The following CENPP variants were observed in gnomAD, a reference collection of about 807,000 sequenced individuals.
CENPP encodes centromere protein P.
In CENPP, 24 loss-of-function variants were observed where a neutral mutation model predicts 35.6. That is an observed-to-expected ratio of 0.67 (90% CI 0.49 to 0.95). The LOEUF is 0.95. Among genes scored for constraint, CENPP ranks in the 40% least tolerant of loss-of-function variants. The pLI is 0.00. For synonymous variants in CENPP, 120 were observed against 125.5 expected (o/e 0.96, Z 0.29); for missense variants, 332 against 345.3 (o/e 0.96, Z 0.31).
Position 92,560,692 on chromosome 9 carries a change from T to C in CENPP, c.565-50622T>C, listed in dbSNP as rs1355562610. 4.6e-5 allele frequency among the ~76,000 whole-genome samples: 7 copies of C among 152,152 alleles called. No homozygotes were observed. The East Asian group carries it at 1.3e-3, about 29-fold the overall frequency. ...GCTTTTATTCCTTCATCCCATTCTC[T>C]ACTCCATTTCTTTAAAAAGTAATCT... On this transcript the variant is annotated intron_variant, in intron 5 of 7. Coordinates refer to ENST00000375587, the MANE Select transcript of CENPP (RefSeq NM_001012267.3).
At chr9:92,612,171 G>C (rs1422508048) in intron 6 of CENPP, among the ~76,000 whole-genome samples, 1 of 152,242 alleles carries the variant, frequency 6.6e-6, no homozygotes, top group African/African-American at 2.4e-5. Context: ...TGAAATTCCT[G>C]TGTCATGCAT....
chr9:92,531,813 G>A (rs1848771338), intron 5 of CENPP, among the ~76,000 whole-genome samples: 2 of 151,808 alleles, frequency 1.3e-5, no homozygotes, highest in Admixed American at 6.6e-5. Context: ...TTCCTTTTGT[G>A]CAGATGTGTT....
At chr9:92,358,952 CTT>C (rs547707825) in intron 4 of CENPP, among the ~76,000 whole-genome samples, 3 of 122,368 alleles carry the variant, frequency 2.5e-5, no homozygotes, top group Non-Finnish European at 1.7e-5. Flanking sequence ...TTCTTTCTTT[CTT>C]TTTTTTTTTT....
chr9:92,600,135 T>C, intron 5 of CENPP: 1 of 473,942 alleles, frequency 2.1e-6, no homozygotes, highest in Admixed American at 3.7e-5. Context: ...CACTGAAGTC[T>C]GAAGTTTGCA....
chr9:92,444,185 C>A (rs576821307), intron 5 of CENPP, among the ~76,000 whole-genome samples: 4 of 152,156 alleles, frequency 2.6e-5, no homozygotes, highest in Admixed American at 2.6e-4. Context: ...AAATTATAAT[C>A]ATAGCATATA....
At chr9:92,449,437 C>CAAAAAAAAAAAAAAAA (rs56218626) in intron 5 of CENPP, among the ~76,000 whole-genome samples, 5 of 54,954 alleles carry the variant, frequency 9.1e-5, no homozygotes, top group Non-Finnish European at 1.7e-4. Flanking sequence ...ACTCTATCTC[C>CAAAAAAAAAAAAAAAA]AAAAAAAAAA....
At position 92,532,027 on chromosome 9, in the gene CENPP, TTATTTTA is replaced by T. The variant is rs1325614665; in HGVS notation, c.565-79285_565-79279del. Reference sequence around the variant, plus strand: ...TTTTTTATTTAATGTTTTTTTTTTTTTATTTTATTTTTTTTTTGAGATGAGGTCTCAC... The same window carrying T: ...TTTTTTATTTAATGTTTTTTTTTTTTTTTTTTTTTTGAGATGAGGTCTCAC... On this transcript the variant is annotated intron_variant, in intron 5 of 7. Coordinates refer to ENST00000375587, the MANE Select transcript of CENPP (RefSeq NM_001012267.3). 6.2e-4 allele frequency among the ~76,000 whole-genome samples: 80 copies of T among 128,836 alleles called. 20 individuals are homozygous for T. The highest frequency in any genetic ancestry group is 1.7e-3 in the African/African-American group (48 of 28,700). 84.5% of individuals were successfully genotyped at this position (128,836 alleles called of 152,430 possible). A position where few individuals can be genotyped will look rare whatever the true frequency, so the allele number is the denominator to read the frequency against.
rs372483137 is a variant in CENPP at position 92,614,525 on chromosome 9, T to G, written c.*1376T>G. The G allele has an allele frequency of 5.9e-5, 9 of 152,632 alleles. No homozygotes were observed. The highest frequency in any genetic ancestry group is 1.9e-4 in the African/African-American group (8 of 41,454). The allele number at this position is 152,632 out of a possible 1,614,324, so 9.5% of individuals were successfully genotyped here. A position where few individuals can be genotyped will look rare whatever the true frequency, so the allele number is the denominator to read the frequency against. The stretch of plus-strand genomic sequence containing the variant: ...CTGAGAGTAGAATTAGAAGTAAATA[T>G]GACAGAATTGAACAATAAATTCTAG... On this transcript the variant is annotated 3_prime_UTR_variant, in exon 8 of 8. Transcript: ENST00000375587.
chr9:92,611,137 C>T (rs991483249), intron 5 of CENPP, 177 bp from the exon 6 acceptor site: 2 of 634,328 alleles, frequency 3.2e-6, no homozygotes, highest in Non-Finnish European at 5.7e-6. Flanking sequence ...GAGAGACCTA[C>T]AGTGGGGCGG....
intron 4 of CENPP, among the ~76,000 whole-genome samples, chr9:92,364,636 T>C (rs552535526): frequency 6.6e-6 from 1 of 152,374 alleles, no homozygotes; most frequent in South Asian, 2.1e-4. Context: ...GAGTGAATTT[T>C]ACTGTATGTA....
intron 5 of CENPP, among the ~76,000 whole-genome samples, chr9:92,568,097 T>TCTAGGATACATGTGCA (rs1481510147): frequency 1.2e-5 from 1 of 83,050 alleles, no homozygotes; most frequent in Non-Finnish European, 2.3e-5. Context: ...TACTTTAAGT[T>TCTAGGATACATGTGCA]CTAGGATACA....
At chr9:92,484,426 C>CAT (rs1846006702) in intron 5 of CENPP, among the ~76,000 whole-genome samples, 1 of 152,130 alleles carries the variant, frequency 6.6e-6, no homozygotes, top group Non-Finnish European at 1.5e-5. Flanking sequence ...CCATTCGTGT[C>CAT]ATTGTGATAC....
intron 5 of CENPP, chr9:92,466,517 T>G: frequency 6.2e-7 from 1 of 1,614,102 alleles, no homozygotes; most frequent in South Asian, 1.1e-5. Flanking sequence ...TTCTTTGTGG[T>G]TAGAAAGGCT....
chr9:92,411,533 G>A (rs1378995716), intron 5 of CENPP, among the ~76,000 whole-genome samples: 2 of 152,014 alleles, frequency 1.3e-5, no homozygotes, highest in Non-Finnish European at 2.9e-5. Context: ...GGGCTCAAAG[G>A]ATCAGCCCAC....
At chr9:92,373,603 G>T (rs554180601) in intron 4 of CENPP, among the ~76,000 whole-genome samples, 101 of 152,182 alleles carry the variant, frequency 6.6e-4, no homozygotes, top group Non-Finnish European at 1.2e-3. Context: ...CGAGGTGGGC[G>T]GATCATGAGG....
chr9:92,536,608 G>A (rs953479627), intron 5 of CENPP: 4 of 152,366 alleles, frequency 2.6e-5, no homozygotes, highest in Admixed American at 6.5e-5. Flanking sequence ...TACCTGTTAC[G>A]CTGGCAAATT....
At chr9:92,612,177 T>C (rs748143360) in intron 6 of CENPP, among the ~76,000 whole-genome samples, 28 of 152,282 alleles carry the variant, frequency 1.8e-4, no homozygotes, top group Non-Finnish European at 3.5e-4. Context: ...TCCTGTGTCA[T>C]GCATGGATGC....
intron 4 of CENPP, among the ~76,000 whole-genome samples, chr9:92,376,951 G>A (rs1486118669): frequency 1.4e-4 from 21 of 151,884 alleles, no homozygotes; most frequent in African/African-American, 4.6e-4. Flanking sequence ...AGGCTGAGGC[G>A]GGAGAATCAC....
At chr9:92,549,646 C>CAAAAAAAAAAAA (rs377339429) in intron 5 of CENPP, among the ~76,000 whole-genome samples, 1 of 90,610 alleles carries the variant, frequency 1.1e-5, no homozygotes, top group Non-Finnish European at 2.0e-5. Context: ...GACTCCGTCT[C>CAAAAAAAAAAAA]AAAAAAAAAA....
Sources: gnomAD v4.1 joint callset for allele counts (sites outside exome capture counted in the v4.1 genomes callset) on GRCh38, gnomAD v4.1.1 for gene constraint, MANE v1.5 for transcripts, NCBI Gene and HGNC (gene_info 2026-07-23, HGNC 2026-07-21) for gene names.